Variants in GRIN2B observed in about 807,000 individuals in gnomAD.
GRIN2B encodes glutamate receptor ionotropic, NMDA 2B.
Under a neutral mutation model 114.5 loss-of-function variants are expected in GRIN2B, and 5 were observed. That is an observed-to-expected ratio of 0.04 (90% CI 0.02 to 0.09). The LOEUF (loss-of-function observed/expected upper bound fraction) is 0.09. Among genes scored for constraint, GRIN2B ranks in the 10% least tolerant of loss-of-function variants. GRIN2B has a pLI of 1.00. For synonymous variants in GRIN2B, 787 were observed against 745.1 expected (o/e 1.06, Z -0.92); for missense variants, 1,108 against 1,943.5 (o/e 0.57, Z 8.08).
At chr12:13,825,156 A>G (rs2136697017) in intron 3 of GRIN2B, among the ~76,000 whole-genome samples, 1 of 152,032 alleles carries the variant, frequency 6.6e-6, no homozygotes, top group East Asian at 1.9e-4. Context: ...TATATCCTGA[A>G]GGCCTTTGTG....
chr12:13,805,842 C>T (rs960564998), intron 3 of GRIN2B, among the ~76,000 whole-genome samples: 18 of 152,092 alleles, frequency 1.2e-4, no homozygotes, highest in Admixed American at 3.9e-4. Context: ...AATTTATTCA[C>T]GTGGTCTAAC....
intron 5 of GRIN2B, among the ~76,000 whole-genome samples, chr12:13,625,004 T>C (rs1003693723): frequency 2.6e-5 from 4 of 152,198 alleles, no homozygotes; most frequent in Admixed American, 2.6e-4. Flanking sequence ...AGAGCTGTTA[T>C]GGTCATTTCA....
intron 2 of GRIN2B, among the ~76,000 whole-genome samples, chr12:13,931,218 C>T (rs111957368): frequency 8.5e-5 from 13 of 152,306 alleles, no homozygotes; most frequent in African/African-American, 2.9e-4. Context: ...TTTACTCACA[C>T]TCTATTCTCC....
At chr12:13,925,532 C>T (rs182404217) in intron 2 of GRIN2B, among the ~76,000 whole-genome samples, 38 of 152,228 alleles carry the variant, frequency 2.5e-4, no homozygotes, top group Admixed American at 1.5e-3. Context: ...GTCAGACCAG[C>T]ACTTCTTACA....
intron 3 of GRIN2B, among the ~76,000 whole-genome samples, chr12:13,790,804 A>G (rs1445044297): frequency 6.6e-6 from 1 of 152,194 alleles, no homozygotes; most frequent in East Asian, 1.9e-4. Context: ...CATTATGAGG[A>G]CCTATGCCAG....
chr12:13,743,322 T>A (rs952517819), intron 4 of GRIN2B, among the ~76,000 whole-genome samples: 1 of 152,156 alleles, frequency 6.6e-6, no homozygotes, highest in Non-Finnish European at 1.5e-5. Flanking sequence ...ATATGTGACC[T>A]CTTGTCCTTT....
chr12:13,902,317 G>C (rs184418401), intron 2 of GRIN2B, among the ~76,000 whole-genome samples: 4 of 151,952 alleles, frequency 2.6e-5, no homozygotes, highest in Admixed American at 1.3e-4. Context: ...ATCTTACATC[G>C]TTTAGGGGGC....
intron 3 of GRIN2B, among the ~76,000 whole-genome samples, chr12:13,845,223 C>G (rs778235949): frequency 1.3e-5 from 2 of 152,180 alleles, no homozygotes; most frequent in Non-Finnish European, 2.9e-5. Context: ...TTCCATCTGT[C>G]TGCCTACGAT....
rs1320795708 is a variant in GRIN2B at position 13,615,040 on chromosome 12, TG to T, written c.1654+73del. The T allele has an allele frequency of 6.0e-6, 8 of 1,334,574 alleles. No homozygotes were observed. The African/African-American group carries it at 1.1e-4, about 19-fold the overall frequency. The allele number at this position is 1,334,574 out of a possible 1,614,324, so 82.7% of individuals were successfully genotyped here. ...CCTTCTAGCTGGAACAGCCTGGCCA[TG>T]TGCTCCTTTTTTCCTTATTTCACTT... On this transcript the variant is annotated intron_variant, in intron 8 of 13. Coordinates refer to ENST00000609686, the MANE Select transcript of GRIN2B (RefSeq NM_000834.5). The surrounding 1 kb of genome is among the most constrained non-coding windows in gnomAD (Gnocchi z 5.8).
intron 4 of GRIN2B, among the ~76,000 whole-genome samples, chr12:13,710,454 T>C (rs896979348): frequency 1.3e-5 from 2 of 152,248 alleles, no homozygotes; most frequent in African/African-American, 4.8e-5. Context: ...TGTTTGCAGA[T>C]GACACGATTG....
chr12:13,756,010 G>C (rs1863568935), intron 3 of GRIN2B, among the ~76,000 whole-genome samples: 1 of 152,054 alleles, frequency 6.6e-6, no homozygotes, highest in Admixed American at 6.5e-5. Flanking sequence ...AGAAAAGTGA[G>C]AAATAAGTTT....
intron 10 of GRIN2B, among the ~76,000 whole-genome samples, chr12:13,593,155 C>G (rs1247836519): frequency 6.6e-6 from 1 of 152,198 alleles, no homozygotes; most frequent in East Asian, 1.9e-4. Flanking sequence ...CTATCCCGAT[C>G]AAGCTACCAT....
rs199817447 is a variant in GRIN2B at position 13,571,995 on chromosome 12, C to T, written c.2011-31G>A. 7.2e-5 allele frequency: 112 copies of T among 1,552,596 alleles called. 1 individual carries two copies. Among genetic ancestry groups the T allele is most frequent in the Admixed American group, 1.9e-4 (11 of 57,914 alleles). On this transcript the variant is annotated intron_variant, in intron 10 of 13. Coordinates refer to ENST00000609686, the MANE Select transcript of GRIN2B (RefSeq NM_000834.5). ...GAGAGAAAGACAGATAGAGACAGAG[C>T]GGGAGATGGAGGGAGAGAGAGAGAG...
At chr12:13,642,668 A>T (rs1450451240) in intron 5 of GRIN2B, among the ~76,000 whole-genome samples, 1 of 152,168 alleles carries the variant, frequency 6.6e-6, no homozygotes, top group Non-Finnish European at 1.5e-5. Flanking sequence ...ATGCATGTTT[A>T]TTTGCTTATG....
intron 2 of GRIN2B, among the ~76,000 whole-genome samples, chr12:13,958,765 C>T (rs1019731238): frequency 2.0e-5 from 3 of 152,134 alleles, no homozygotes; most frequent in Admixed American, 1.3e-4. Context: ...CCTCATCCTC[C>T]TCCTCTTCTT....
At chr12:13,744,738 G>A (rs1863347367) in intron 4 of GRIN2B, among the ~76,000 whole-genome samples, 1 of 152,154 alleles carries the variant, frequency 6.6e-6, no homozygotes, top group Non-Finnish European at 1.5e-5. Context: ...TAATCTGTCA[G>A]CAGCAGTTCC....
At chr12:13,578,403 A>G (rs907490137) in intron 10 of GRIN2B, among the ~76,000 whole-genome samples, 1 of 152,234 alleles carries the variant, frequency 6.6e-6, no homozygotes, top group African/African-American at 2.4e-5. Context: ...GCACCATGTC[A>G]GAAGTCCAAA....
rs529290029 is a variant in GRIN2B at position 13,960,128 on chromosome 12, C to A, written c.-19+19800G>T. 3.3e-5 allele frequency among the ~76,000 whole-genome samples: 5 copies of A among 152,174 alleles called. No individual in the cohort carries two copies. In the South Asian group the frequency reaches 1.0e-3, roughly 32 times the overall value. ...CATCCCAGGCCTCTACCCCTGCTCC[C>A]CACTCATGACAATGAAAACTGTCTG... On this transcript the variant is annotated intron_variant, in intron 2 of 13. Transcript: ENST00000609686.
intron 5 of GRIN2B, among the ~76,000 whole-genome samples, chr12:13,639,242 C>T (rs1949690570): frequency 6.6e-6 from 1 of 152,100 alleles, no homozygotes; most frequent in Admixed American, 6.6e-5. Context: ...AGCAATGCTC[C>T]TTGATTCATA....
Sources: allele counts gnomAD v4.1 joint callset (sites outside exome capture counted in the v4.1 genomes callset), GRCh38; gene constraint gnomAD v4.1.1; non-coding constraint Gnocchi (gnomAD v3.1); transcripts MANE v1.5; gene names NCBI Gene and HGNC (gene_info 2026-07-23, HGNC 2026-07-21).